Variants in C5orf46 observed in about 807,000 individuals in gnomAD.
C5orf46 encodes the protein chromosome 5 open reading frame 46.
C5orf46 carries 9 observed loss-of-function variants against 8.9 expected under a neutral mutation model. That is an observed-to-expected ratio of 1.01 (90% CI 0.61 to 1.76). The LOEUF (loss-of-function observed/expected upper bound fraction) is 1.76. Among genes scored for constraint, C5orf46 ranks in the 40% most tolerant of loss-of-function variants. The pLI, the probability that C5orf46 is intolerant of heterozygous loss-of-function variation, is 0.00. For synonymous variants in C5orf46, 47 were observed against 41.4 expected, an observed-to-expected ratio of 1.14 and a Z score of -0.52; for missense variants, 98 against 107.8, an observed-to-expected ratio of 0.91 and a Z score of 0.40.
intron 2 of C5orf46, among the ~76,000 whole-genome samples, chr5:147,898,551 G>T (rs1200377965): frequency 1.3e-5 from 2 of 152,174 alleles, no homozygotes; most frequent in East Asian, 3.9e-4. Context: ...GGAAAAAATT[G>T]CAACAGAAAT....
downstream of C5orf46, among the ~76,000 whole-genome samples, chr5:147,889,721 C>T (rs1435882085): frequency 6.6e-6 from 1 of 152,128 alleles, no homozygotes; most frequent in East Asian, 1.9e-4. Context: ...ATCAGTCACA[C>T]AGACTTTTGT....
rs749405270 is a variant in C5orf46, at chr5:147,901,735, AGTCGTCTGGCTT to A, written c.97_108del (p.Lys33_Asp36del). 7 of 1,613,854 alleles carry A rather than the reference AGTCGTCTGGCTT, an allele frequency of 4.3e-6. No homozygotes were observed. Among genetic ancestry groups the A allele is most frequent in the African/African-American group, 1.3e-5 (1 of 74,898 alleles). On this transcript the variant is annotated inframe_deletion, in exon 2 of 4. Transcript: ENST00000318315. ...AAGTCTGGCTTTGGGTCTTTGCCCG[AGTCGTCTGGCTT>A]GTCGTCTGGCTTGTCTGGTTTGTCG...
chr5:147,900,783 A>G (rs1757654629), intron 2 of C5orf46, among the ~76,000 whole-genome samples: 1 of 152,250 alleles, frequency 6.6e-6, no homozygotes, highest in Non-Finnish European at 1.5e-5. Flanking sequence ...ATTAGAGAGC[A>G]GAGGCTTAGA....
chr5:147,898,902 AT>A (rs1429647690), intron 2 of C5orf46, among the ~76,000 whole-genome samples: 3 of 152,262 alleles, frequency 2.0e-5, no homozygotes, highest in East Asian at 3.9e-4. Flanking sequence ...AATCCAGTCT[AT>A]TCATTGTTTC....
At chr5:147,904,816 ATATAT>A (rs1330774069) in intron 1 of C5orf46, among the ~76,000 whole-genome samples, 2 of 149,290 alleles carry the variant, frequency 1.3e-5, no homozygotes, top group African/African-American at 5.0e-5. Context: ...AAGATATTTT[ATATAT>A]TATATATCTA....
intron 3 of C5orf46, 62 bp downstream of exon 3, chr5:147,896,920 CAG>C: frequency 1.4e-6 from 1 of 708,944 alleles, no homozygotes; most frequent in Non-Finnish European, 2.2e-6. Flanking sequence ...TAAAACTGGA[CAG>C]ACTCTTTTTC....
intron 2 of C5orf46, among the ~76,000 whole-genome samples, chr5:147,899,224 T>C (rs1413901754): frequency 6.6e-6 from 1 of 152,136 alleles, no homozygotes; most frequent in Non-Finnish European, 1.5e-5. Flanking sequence ...AATTTTACCA[T>C]AAGGACTGCA....
chr5:147,895,346 C>T (rs1386516734), intron 3 of C5orf46, among the ~76,000 whole-genome samples: 2 of 152,106 alleles, frequency 1.3e-5, no homozygotes, highest in Non-Finnish European at 2.9e-5. Context: ...TATATTACAA[C>T]CCTAGATTGA....
At chr5:147,896,695 G>A (rs1346756971) in intron 3 of C5orf46, among the ~76,000 whole-genome samples, 3 of 152,084 alleles carry the variant, frequency 2.0e-5, no homozygotes, top group Non-Finnish European at 4.4e-5. Flanking sequence ...TCATTTCACA[G>A]GCTGAACTTG....
chr5:147,891,100 C>T (rs12171506), downstream of C5orf46, among the ~76,000 whole-genome samples: 8,284 of 152,196 alleles, frequency 0.054, 568 homozygotes, highest in African/African-American at 0.16. Context: ...ACACACTTGG[C>T]TGGAGCTCCC....
At chr5:147,901,811 A>G (rs1383043456) in intron 1 of C5orf46, 38 bp from the exon 2 acceptor site, 1 of 1,596,058 alleles carries the variant, frequency 6.3e-7, no homozygotes, top group African/African-American at 1.3e-5. Flanking sequence ...ATTCTCAGCA[A>G]CAAAGAAGGA....
chr5:147,904,998 T>C (rs1561633581), intron 1 of C5orf46, among the ~76,000 whole-genome samples: 2 of 151,044 alleles, frequency 1.3e-5, no homozygotes, highest in African/African-American at 4.8e-5. Flanking sequence ...TTACTATTAA[T>C]AATAATAGCA....
downstream of C5orf46, among the ~76,000 whole-genome samples, chr5:147,889,828 A>C (rs77663222): frequency 1.7e-3 from 260 of 152,282 alleles, 1 homozygote; most frequent in East Asian, 9.5e-3. Flanking sequence ...TTTTGTACTA[A>C]GTATGAGGAT....
At chr5:147,889,528 A>G (rs1400279475), downstream of C5orf46, among the ~76,000 whole-genome samples, 1 of 152,158 alleles carries the variant, frequency 6.6e-6, no homozygotes, top group Non-Finnish European at 1.5e-5. Flanking sequence ...CAATTAGTAC[A>G]TATTAAAAAG....
intron 2 of C5orf46, among the ~76,000 whole-genome samples, chr5:147,900,807 A>T (rs1757654903): frequency 6.6e-6 from 1 of 152,256 alleles, no homozygotes. Flanking sequence ...GTGGAAATTG[A>T]AAGCACCTGG....
chr5:147,890,794 G>A (rs1757492224), downstream of C5orf46, among the ~76,000 whole-genome samples: 1 of 152,290 alleles, frequency 6.6e-6, no homozygotes, highest in South Asian at 2.1e-4. Context: ...GAAAGCTAAT[G>A]AGTAGGAGAA....
intron 2 of C5orf46, among the ~76,000 whole-genome samples, chr5:147,899,232 G>T (rs1757630533): frequency 6.6e-6 from 1 of 152,108 alleles, no homozygotes; most frequent in African/African-American, 2.4e-5. Flanking sequence ...CATAAGGACT[G>T]CAAATTATTT....
chr5:147,896,910 T>TAA, intron 3 of C5orf46, 74 bp downstream of exon 3: 1 of 636,302 alleles, frequency 1.6e-6, no homozygotes, highest in Non-Finnish European at 2.5e-6. Context: ...AATTATTAAA[T>TAA]AAAACTGGAC....
intron 1 of C5orf46, among the ~76,000 whole-genome samples, chr5:147,905,977 C>A (rs1757745002): frequency 2.0e-5 from 3 of 152,150 alleles, no homozygotes; most frequent in African/African-American, 7.2e-5. Flanking sequence ...TTCATGATAA[C>A]TTTACGAGAA....
Sources: gnomAD v4.1 joint callset for allele counts (sites outside exome capture counted in the v4.1 genomes callset) on GRCh38, gnomAD v4.1.1 for gene constraint, MANE v1.5 for transcripts, NCBI Gene and HGNC (gene_info 2026-07-23, HGNC 2026-07-21) for gene names.